The following NALCN variants were observed in gnomAD, a reference collection of about 807,000 sequenced individuals.
The protein encoded by NALCN is sodium leak channel NALCN.
In NALCN, 111 loss-of-function variants were observed where a neutral mutation model predicts 225.3. That is an observed-to-expected ratio of 0.49 (90% confidence interval 0.42 to 0.58). The LOEUF is 0.58. Ranked by LOEUF, NALCN falls within the 20% of genes least tolerant of loss-of-function variation. NALCN has a pLI of 0.00. For synonymous variants in NALCN, 764 were observed against 769.0 expected (o/e 0.99, Z 0.11); for missense variants, 1,378 against 2,202.4 (o/e 0.63, Z 7.49).
At chr13:101,164,111 T>A (rs1261977847) in intron 15 of NALCN, among the ~76,000 whole-genome samples, 2 of 152,116 alleles carry the variant, frequency 1.3e-5, no homozygotes, top group East Asian at 3.9e-4. Context: ...CTATTTCCAA[T>A]CAAGTTACAT....
At chr13:101,193,439 G>A (rs1307662718) in intron 13 of NALCN, among the ~76,000 whole-genome samples, 2 of 152,144 alleles carry the variant, frequency 1.3e-5, no homozygotes, top group African/African-American at 4.8e-5. Flanking sequence ...ATTTGAAAAA[G>A]GAGCAATTAA....
Position 101,104,879 on chromosome 13 carries a change from G to C in NALCN, c.2636+15C>G, listed in dbSNP as rs758604325. ...ACTTTAAATGTGCATGGAAAATGAAGTTGGTGATGCTTACTAAAGTTGATG... is the reference window on the plus strand; with the variant it reads ...ACTTTAAATGTGCATGGAAAATGAACTTGGTGATGCTTACTAAAGTTGATG... On this transcript the variant is annotated intron_variant, in intron 23 of 43. Transcript: ENST00000251127. The surrounding 1 kb of genome is among the most constrained non-coding windows in gnomAD (Gnocchi z 4.2). 29 of 1,613,216 alleles carry C rather than the reference G, an allele frequency of 1.8e-5. No individual in the cohort carries two copies. The highest frequency in any genetic ancestry group is 2.0e-5 in the Non-Finnish European group (24 of 1,179,462).
At position 101,403,221 on chromosome 13, in the gene NALCN, G is replaced by A. The variant is rs532025401; in HGVS notation, c.-39-4056C>T. ...GGTATCAGGCACTGCGGTATGTGCT[G>A]GGTATACAGCACTGAATATGAAGGC... is the stretch of plus-strand genomic sequence containing the variant. On this transcript the variant is annotated intron_variant, in intron 1 of 43. Transcript: ENST00000251127. 2.0e-5 allele frequency among the ~76,000 whole-genome samples: 3 copies of A among 152,294 alleles called. No individual in the cohort carries two copies. The South Asian group carries it at 6.2e-4, about 32-fold the overall frequency.
At chr13:101,219,280 C>T (rs920929617) in intron 13 of NALCN, among the ~76,000 whole-genome samples, 23 of 152,092 alleles carry the variant, frequency 1.5e-4, no homozygotes, top group African/African-American at 3.6e-4. Flanking sequence ...GTGTTTGCAA[C>T]GGAATTATGC....
At chr13:101,312,971 T>C (rs2044405981) in intron 7 of NALCN, among the ~76,000 whole-genome samples, 1 of 152,172 alleles carries the variant, frequency 6.6e-6, no homozygotes, top group South Asian at 2.1e-4. Context: ...ATGGTACTGG[T>C]ACCAAAACAG....
At chr13:101,408,067 C>G (rs2047672494) in intron 1 of NALCN, among the ~76,000 whole-genome samples, 1 of 152,172 alleles carries the variant, frequency 6.6e-6, no homozygotes, top group South Asian at 2.1e-4. Context: ...ACATGGTTAG[C>G]TGTGATAAAC....
chr13:101,378,941 C>A (rs1391619816), intron 3 of NALCN, among the ~76,000 whole-genome samples: 2 of 151,852 alleles, frequency 1.3e-5, no homozygotes. Flanking sequence ...CTTAAAGAAC[C>A]AGAAGCCATT....
intron 27 of NALCN, among the ~76,000 whole-genome samples, chr13:101,096,680 CATTGA>C (rs2034524244): frequency 6.6e-6 from 1 of 152,028 alleles, no homozygotes; most frequent in African/African-American, 2.4e-5. Flanking sequence ...GCTAAAAAAC[CATTGA>C]ATTGAACACT....
intron 13 of NALCN, among the ~76,000 whole-genome samples, chr13:101,220,925 A>G (rs781001671): frequency 3.3e-5 from 5 of 150,172 alleles, no homozygotes; most frequent in African/African-American, 5.0e-5. Flanking sequence ...AATGCAGAAG[A>G]AAAAAAAACA....
intron 14 of NALCN, chr13:101,180,841 GTC>G (rs34427526): frequency 0.3 from 92,864 of 311,628 alleles, 12,647 homozygotes; most frequent in Non-Finnish European, 0.36. Context: ...AACACGCTTT[GTC>G]TCTCTCTCTC....
intron 15 of NALCN, among the ~76,000 whole-genome samples, chr13:101,149,271 G>C (rs886699719): frequency 3.2e-4 from 46 of 142,488 alleles, no homozygotes; most frequent in Admixed American, 1.6e-3. Context: ...CCAGCCTGGG[G>C]GACACAGCGA....
At chr13:101,064,678 A>G (rs796525777) in intron 40 of NALCN, among the ~76,000 whole-genome samples, 2 of 152,116 alleles carry the variant, frequency 1.3e-5, no homozygotes, top group African/African-American at 4.8e-5. Context: ...TCCAGCAGCC[A>G]GGGGAGAGGC....
rs549181447 is a variant in NALCN at position 101,140,809 on chromosome 13, G to A, written c.2118+2271C>T. 6.6e-5 allele frequency among the ~76,000 whole-genome samples: 10 copies of A among 152,186 alleles called. No individual in the cohort carries two copies. The East Asian group carries it at 1.5e-3, about 24-fold the overall frequency. The stretch of plus-strand genomic sequence containing the variant: ...GCATGGTGGCCATGCCTATAGTCCC[G>A]GCTACTCGGGAGGCTGAGGCAGGAG... On this transcript the variant is annotated intron_variant, in intron 17 of 43. Coordinates refer to ENST00000251127, the MANE Select transcript of NALCN (RefSeq NM_052867.4).
rs188402232 is a variant in NALCN, at chr13:101,080,230, T to C, written c.3885+1297A>G. Among the ~76,000 whole-genome samples, 547 of 152,240 alleles carry C rather than the reference T, an allele frequency of 3.6e-3. 2 individuals carry two copies. The Middle Eastern group carries it at 0.037, about 10-fold the overall frequency. ...GGTGGAACCTAGACTAGGACCCATA[T>C]CTTCCAGAGCTGTGCTATCCAACAT... On this transcript the variant is annotated intron_variant, in intron 34 of 43. Coordinates refer to ENST00000251127, the MANE Select transcript of NALCN (RefSeq NM_052867.4).
chr13:101,124,203 C>A (rs620771), intron 18 of NALCN, among the ~76,000 whole-genome samples: 1 of 151,808 alleles, frequency 6.6e-6, no homozygotes, highest in Admixed American at 6.6e-5. Context: ...TTATTATTTC[C>A]GGATTTTTAA....
chr13:101,147,354 CTTTT>C (rs34988610), intron 15 of NALCN, among the ~76,000 whole-genome samples: 2,491 of 125,040 alleles, frequency 0.02, 79 homozygotes, highest in African/African-American at 0.072. Flanking sequence ...CTCTCTCTCT[CTTTT>C]TTTTTTTTTT....
chr13:101,261,540 T>C (rs1184974238), intron 10 of NALCN, among the ~76,000 whole-genome samples: 1 of 152,188 alleles, frequency 6.6e-6, no homozygotes, highest in East Asian at 1.9e-4. Context: ...CACTGTTTGA[T>C]AGTGTTCATT....
At chr13:101,365,266 T>G (rs2046350536) in intron 6 of NALCN, among the ~76,000 whole-genome samples, 1 of 152,264 alleles carries the variant, frequency 6.6e-6, no homozygotes, top group South Asian at 2.1e-4. Flanking sequence ...ACTCAGTGTT[T>G]AGCTCTCATT....
At chr13:101,118,788 C>A (rs1332841318) in intron 18 of NALCN, among the ~76,000 whole-genome samples, 1 of 152,172 alleles carries the variant, frequency 6.6e-6, no homozygotes, top group African/African-American at 2.4e-5. Context: ...TTGGCACAAA[C>A]CCTAGGCTGC....
Sources: gnomAD v4.1 joint callset for allele counts (sites outside exome capture counted in the v4.1 genomes callset) on GRCh38, gnomAD v4.1.1 for gene constraint, Gnocchi (gnomAD v3.1) non-coding constraint, MANE v1.5 for transcripts, NCBI Gene and HGNC (gene_info 2026-07-23, HGNC 2026-07-21) for gene names.